The following XYLT1 variants were observed in gnomAD, a reference collection of about 807,000 sequenced individuals.
The protein encoded by XYLT1 is beta-D-xylosyltransferase 1.
A neutral mutation model predicts 91.3 loss-of-function variants in XYLT1; 36 were observed. The observed-to-expected ratio is 0.39, with a 90% confidence interval of 0.30 to 0.52. The LOEUF is 0.52. Ranked by LOEUF, XYLT1 falls within the 20% of genes least tolerant of loss-of-function variation. The pLI is 0.68. For missense variants in XYLT1, 1,242 were observed against 1,284.5 expected (o/e 0.97, Z 0.51); for synonymous variants, 588 against 532.0 (o/e 1.11, Z -1.45).
intron 3 of XYLT1, among the ~76,000 whole-genome samples, chr16:17,224,573 C>T (rs60843176): frequency 8.7e-4 from 133 of 152,318 alleles, no homozygotes; most frequent in Middle Eastern, 3.4e-3. Flanking sequence ...CTTCCCTCTG[C>T]GTCCTGGCTC....
chr16:17,393,977 G>A (rs1209469879), intron 1 of XYLT1, among the ~76,000 whole-genome samples: 5 of 151,828 alleles, frequency 3.3e-5, no homozygotes, highest in African/African-American at 4.8e-5. Flanking sequence ...GAGTTTCACC[G>A]TGTTAGCCAG....
intron 2 of XYLT1, among the ~76,000 whole-genome samples, chr16:17,342,834 G>C (rs987602356): frequency 1.3e-5 from 2 of 152,136 alleles, no homozygotes; most frequent in Admixed American, 6.5e-5. Context: ...ACAGTATCCA[G>C]AACGTAGTAG....
chr16:17,394,825 T>C (rs935750827), intron 1 of XYLT1, among the ~76,000 whole-genome samples: 3 of 152,146 alleles, frequency 2.0e-5, no homozygotes, highest in African/African-American at 7.2e-5. Context: ...ACAGAGTATA[T>C]AAAGCATTTG....
chr16:17,221,362 CGGTTGGTT>C (rs1005716835), intron 3 of XYLT1, among the ~76,000 whole-genome samples: 1 of 152,086 alleles, frequency 6.6e-6, no homozygotes, highest in African/African-American at 2.4e-5. Flanking sequence ...AGAGTGTTTT[CGGTTGGTT>C]GGTTGGTTGG....
intron 3 of XYLT1, among the ~76,000 whole-genome samples, chr16:17,252,230 C>T (rs556289918): frequency 2.6e-5 from 4 of 152,254 alleles, no homozygotes; most frequent in East Asian, 1.9e-4. Flanking sequence ...CAGCCAACCA[C>T]GCTATAAAGA....
rs1423716082 is a variant in XYLT1 at position 17,117,949 on chromosome 16, G to A, written c.2254C>T (p.Leu752=). ...VGTDWDAKER[L]FRNFGGLLGP... ...AGAAGACCCCCAAAGTTGCGGAATAGCCTCTCCTTGGCATCCCAGTCAGTG... is the reference window on the plus strand; with the variant it reads ...AGAAGACCCCCAAAGTTGCGGAATAACCTCTCCTTGGCATCCCAGTCAGTG... Residue 752 remains leucine, a synonymous_variant, in exon 11 of 12, where the codon CTA becomes TTA. Transcript: ENST00000261381. 1.9e-6 allele frequency: 3 copies of A among 1,613,044 alleles called. No homozygotes were observed. The highest frequency in any genetic ancestry group is 2.5e-6 in the Non-Finnish European group (3 of 1,179,068).
chr16:17,186,096 G>A (rs577876875), intron 5 of XYLT1, among the ~76,000 whole-genome samples: 6 of 152,048 alleles, frequency 3.9e-5, no homozygotes, highest in Non-Finnish European at 7.4e-5. Flanking sequence ...CGGAACTCTA[G>A]ATTTCTTTTT....
In XYLT1 at chr16:17,187,393, CAAAAAAAAAA is replaced by C. The variant is rs71137979; in HGVS notation, c.1289+10809_1289+10818del. Among the ~76,000 whole-genome samples, 14 of 55,304 alleles carry C rather than the reference CAAAAAAAAAA, an allele frequency of 2.5e-4. No homozygotes were observed. The East Asian group carries it at 7.9e-3, about 31-fold the overall frequency. 36.3% of individuals were successfully genotyped at this position (55,304 alleles called of 152,430 possible). A position where few individuals can be genotyped will look rare whatever the true frequency, so the allele number is the denominator to read the frequency against. ...TGGGTGACAGAGCAAGACTCAGTTT[CAAAAAAAAAA>C]AAAAAAAAAAAAAATTAGCCAGATG... On this transcript the variant is annotated intron_variant, in intron 5 of 11. Transcript: ENST00000261381.
intron 2 of XYLT1, among the ~76,000 whole-genome samples, chr16:17,289,425 G>A (rs769767292): frequency 2.0e-5 from 3 of 152,010 alleles, no homozygotes; most frequent in African/African-American, 4.8e-5. Flanking sequence ...CCATGTTTAT[G>A]TTCTACCCTG....
intron 2 of XYLT1, among the ~76,000 whole-genome samples, chr16:17,263,379 G>T (rs898168195): frequency 6.6e-6 from 1 of 152,126 alleles, no homozygotes; most frequent in East Asian, 1.9e-4. Flanking sequence ...TGATTCTGAT[G>T]GGACTCATGA....
At chr16:17,328,258 CA>C (rs1304911414) in intron 2 of XYLT1, among the ~76,000 whole-genome samples, 3 of 152,050 alleles carry the variant, frequency 2.0e-5, no homozygotes, top group Non-Finnish European at 4.4e-5. Flanking sequence ...TATTAAAAGC[CA>C]TGATAGGCCG....
chr16:17,386,631 CTCAG>C (rs57032902), intron 1 of XYLT1, among the ~76,000 whole-genome samples: 40,901 of 151,988 alleles, frequency 0.27, 6,414 homozygotes, highest in Non-Finnish European at 0.37. Flanking sequence ...CTGATTCCTA[CTCAG>C]TATTTCCGTT....
At chr16:17,190,375 A>G (rs1321394223) in intron 5 of XYLT1, among the ~76,000 whole-genome samples, 1 of 152,000 alleles carries the variant, frequency 6.6e-6, no homozygotes, top group East Asian at 1.9e-4. Context: ...TACATGTGCC[A>G]TGTTGGTGTG....
At chr16:17,414,474 G>A (rs1346768728) in intron 1 of XYLT1, among the ~76,000 whole-genome samples, 1 of 152,020 alleles carries the variant, frequency 6.6e-6, no homozygotes, top group Non-Finnish European at 1.5e-5. Context: ...GGGACCACAG[G>A]TGCACACCAC....
chr16:17,176,171 C>T (rs2031939060), intron 5 of XYLT1, among the ~76,000 whole-genome samples: 1 of 152,216 alleles, frequency 6.6e-6, no homozygotes, highest in African/African-American at 2.4e-5. Flanking sequence ...TGCCTTACTT[C>T]AGTAAGTACT....
At chr16:17,394,961 C>G (rs959062304) in intron 1 of XYLT1, among the ~76,000 whole-genome samples, 11 of 152,060 alleles carry the variant, frequency 7.2e-5, no homozygotes, top group South Asian at 4.2e-4. Flanking sequence ...GCCCATCCCC[C>G]CTGTATTAGT....
At chr16:17,389,751 G>A (rs1202172110) in intron 1 of XYLT1, among the ~76,000 whole-genome samples, 1 of 152,220 alleles carries the variant, frequency 6.6e-6, no homozygotes, top group African/African-American at 2.4e-5. Flanking sequence ...GAATCAAAGG[G>A]TGTAGGCTTC....
At position 17,129,093 on chromosome 16, in the gene XYLT1, A is replaced by AAAAAG. The variant is rs1555480054; in HGVS notation, c.2028-1233_2028-1232insCTTTT. On this transcript the variant is annotated intron_variant, in intron 9 of 11. Coordinates refer to ENST00000261381, the MANE Select transcript of XYLT1 (RefSeq NM_022166.4). Reference sequence around the variant, plus strand: ...CATAGAAAAAAAAAAAAAAAAAAAAAAAAACTTGAACAGTCTTCAGATGGT... The same window carrying AAAAAG: ...CATAGAAAAAAAAAAAAAAAAAAAAAAAAAGAAAACTTGAACAGTCTTCAGATGGT... 1.2e-3 allele frequency among the ~76,000 whole-genome samples: 182 copies of AAAAAG among 151,012 alleles called. 1 individual carries two copies. The highest frequency in any genetic ancestry group is 4.0e-3 in the African/African-American group (165 of 40,996).
intron 6 of XYLT1, among the ~76,000 whole-genome samples, chr16:17,155,679 T>C (rs2031388066): frequency 6.6e-6 from 1 of 152,182 alleles, no homozygotes; most frequent in Non-Finnish European, 1.5e-5. Flanking sequence ...TAATGCTGAA[T>C]CACTGCCCTA....
Sources: gnomAD v4.1 joint callset for allele counts (sites outside exome capture counted in the v4.1 genomes callset) on GRCh38, gnomAD v4.1.1 for gene constraint, MANE v1.5 for transcripts, NCBI Gene and HGNC (gene_info 2026-07-23, HGNC 2026-07-21) for gene names.